Variants in MED13 observed in about 807,000 individuals in gnomAD.
The protein encoded by MED13 is mediator complex subunit 13.
Under a neutral mutation model 225.2 loss-of-function variants are expected in MED13, and 23 were observed. That is an observed-to-expected ratio of 0.10 (90% CI 0.07 to 0.14). The LOEUF is 0.14. Among genes scored for constraint, MED13 ranks in the 10% least tolerant of loss-of-function variants. MED13 has a pLI of 1.00. For synonymous variants in MED13, 942 were observed against 889.2 expected (o/e 1.06, Z -1.06); for missense variants, 2,197 against 2,594.5 (o/e 0.85, Z 3.33).
chr17:62,020,254 A>T (rs1023998054), intron 8 of MED13, among the ~76,000 whole-genome samples: 2 of 152,156 alleles, frequency 1.3e-5, no homozygotes, highest in Non-Finnish European at 2.9e-5. Flanking sequence ...TGAAGATTAA[A>T]GAAAACCTTT....
chr17:62,019,330 A>C (rs1412257684), intron 8 of MED13, among the ~76,000 whole-genome samples: 1 of 152,236 alleles, frequency 6.6e-6, no homozygotes, highest in African/African-American at 2.4e-5. Flanking sequence ...ATTCATGTTA[A>C]TATGCACTGA....
At chr17:62,021,655 A>T (rs1232282762) in intron 8 of MED13, among the ~76,000 whole-genome samples, 1 of 152,258 alleles carries the variant, frequency 6.6e-6, no homozygotes, top group Non-Finnish European at 1.5e-5. Context: ...CTTCTCACTT[A>T]TTATAATGGC....
At chr17:62,038,982 T>C (rs1485723730) in intron 3 of MED13, among the ~76,000 whole-genome samples, 1 of 152,162 alleles carries the variant, frequency 6.6e-6, no homozygotes, top group Non-Finnish European at 1.5e-5. Flanking sequence ...GGCCCCATTT[T>C]ATCTGTTAAA....
chr17:62,060,429 T>C (rs948771158), intron 2 of MED13, among the ~76,000 whole-genome samples: 2 of 151,956 alleles, frequency 1.3e-5, no homozygotes, highest in Non-Finnish European at 2.9e-5. Context: ...GAGACCATCC[T>C]GTCTAACAGT....
intron 23 of MED13, among the ~76,000 whole-genome samples, chr17:61,957,395 G>T (rs2079956155): frequency 6.6e-6 from 1 of 151,706 alleles, no homozygotes; most frequent in Non-Finnish European, 1.5e-5. Context: ...TGTCGCCTAG[G>T]CTAGAGTGCA....
chr17:61,950,149 C>T (rs1169136779), intron 28 of MED13, among the ~76,000 whole-genome samples: 1 of 152,090 alleles, frequency 6.6e-6, no homozygotes, highest in African/African-American at 2.4e-5. Flanking sequence ...CTTAAATATG[C>T]TCACCTAGAA....
chr17:62,010,821 G>C lies in MED13; in HGVS notation c.1696C>G (p.Pro566Ala). 2 of 1,614,218 alleles carry C rather than the reference G, an allele frequency of 1.2e-6. No homozygotes were observed. Among genetic ancestry groups the C allele is most frequent in the Non-Finnish European group, 1.7e-6 (2 of 1,180,048 alleles). Residue 566 changes from proline to alanine, a missense_variant, in exon 9 of 30, where the codon CCA becomes GCA. Physicochemically the swap from Pro to Ala is conservative, Grantham distance 27 (BLOSUM62 -1). This residue lies in a region of MED13 where 884 missense variants were observed against 918.5 expected (regional missense o/e 0.96). Transcript: ENST00000397786. The stretch of plus-strand genomic sequence containing the variant: ...GGTTTAGAAGGAACCAAGGGATCTG[G>C]TGTTGGCATTTGATAAAAATGTTGA... ...QSQHFYQMPT[P>A]DPLVPSKPME...
At chr17:62,029,714 G>A in intron 7 of MED13, 63 bp from the exon 8 acceptor site, 2 of 1,516,602 alleles carry the variant, frequency 1.3e-6, no homozygotes, top group Non-Finnish European at 1.8e-6. Context: ...CCTCAATGTA[G>A]CATTGAAATT....
At chr17:62,044,045 C>A (rs2080877723) in intron 3 of MED13, among the ~76,000 whole-genome samples, 1 of 151,994 alleles carries the variant, frequency 6.6e-6, no homozygotes, top group Non-Finnish European at 1.5e-5. Context: ...CAGTGAGAAA[C>A]CTAACCAAAG....
At chr17:61,970,233 G>A (rs765650060) in intron 17 of MED13, among the ~76,000 whole-genome samples, 3 of 152,180 alleles carry the variant, frequency 2.0e-5, no homozygotes, top group Non-Finnish European at 4.4e-5. Flanking sequence ...AAGTAGCAGA[G>A]TAGGAATTTA....
At chr17:62,034,852 C>T (rs1190668628) in intron 4 of MED13, among the ~76,000 whole-genome samples, 1 of 151,998 alleles carries the variant, frequency 6.6e-6, no homozygotes, top group Admixed American at 6.6e-5. Context: ...TGGTGGCTCA[C>T]TCACACCTAT....
chr17:61,965,831 T>C (rs532468597), intron 19 of MED13, among the ~76,000 whole-genome samples: 4 of 152,206 alleles, frequency 2.6e-5, no homozygotes, highest in African/African-American at 4.8e-5. Context: ...ATTGACTACA[T>C]TGACAGCTAA....
Position 62,033,180 on chromosome 17 carries a change from A to T in MED13, c.814+607T>A, listed in dbSNP as rs1025262605. 6.6e-5 allele frequency among the ~76,000 whole-genome samples: 10 copies of T among 152,132 alleles called. No homozygotes were observed. In the East Asian group the frequency reaches 1.7e-3, roughly 26 times the overall value. On this transcript the variant is annotated intron_variant, in intron 5 of 29. Transcript: ENST00000397786. Reference sequence around the variant, plus strand: ...AAAAATAAAAATAAATTAAATAAATAATAAAAAAATATAAAAAAATCTGAC... The same window carrying T: ...AAAAATAAAAATAAATTAAATAAATTATAAAAAAATATAAAAAAATCTGAC...
chr17:62,033,636 C>A (rs1369538555), intron 5 of MED13, 151 bp downstream of exon 5: 1 of 706,822 alleles, frequency 1.4e-6, no homozygotes. Flanking sequence ...AGCTAAGATG[C>A]AGCCCTTAAG....
intron 23 of MED13, among the ~76,000 whole-genome samples, chr17:61,957,478 T>C (rs1422996075): frequency 6.6e-6 from 1 of 151,516 alleles, no homozygotes; most frequent in Non-Finnish European, 1.5e-5. Flanking sequence ...GCTTCCCGAG[T>C]AGCTGGGATT....
rs2080046815 is a variant in MED13, at chr17:61,965,284, T to C, written c.4566A>G (p.Ile1522Met). ...STMTVTSGVA[I>M]STSVATANST... Reference sequence around the variant, plus strand: ...AATTAGCTGTGGCAACTGAAGTAGATATGGCAACACCTGAAGTCACTGTCA... The same window carrying C: ...AATTAGCTGTGGCAACTGAAGTAGACATGGCAACACCTGAAGTCACTGTCA... The change falls in exon 20 of 30, where the codon ATA (isoleucine) becomes ATG (methionine). Residue 1522 changes from isoleucine to methionine, a missense_variant. Physicochemically the swap from Ile to Met is conservative, Grantham distance 10. Around this residue, in one of 12 missense-constraint regions of MED13, gnomAD observed 457 missense variants for 442.2 expected, o/e 1.03. Transcript: ENST00000397786. 1.2e-6 allele frequency: 2 copies of C among 1,614,092 alleles called. No individual in the cohort carries two copies.
rs1056966573 is a variant in MED13 at position 62,014,025 on chromosome 17, C to T, written c.1284-2792G>A. ...CTGCACTCCAGCCTGGGCGACATAG[C>T]GAGACTCTGTCCCACCCCCCACCAA... On this transcript the variant is annotated intron_variant, in intron 8 of 29. Transcript: ENST00000397786. Among the ~76,000 whole-genome samples the T allele has an allele frequency of 2.6e-5, 4 of 151,870 alleles. No individual in the cohort carries two copies. In the East Asian group the frequency reaches 5.8e-4, roughly 22 times the overall value.
intron 9 of MED13, among the ~76,000 whole-genome samples, chr17:61,996,613 T>A (rs2080349145): frequency 6.6e-6 from 1 of 152,188 alleles, no homozygotes; most frequent in Admixed American, 6.6e-5. Flanking sequence ...AATATCTGCA[T>A]GGCCAACTCG....
intron 8 of MED13, among the ~76,000 whole-genome samples, chr17:62,024,288 G>A (rs1398567100): frequency 1.3e-5 from 2 of 152,166 alleles, no homozygotes; most frequent in Non-Finnish European, 2.9e-5. Flanking sequence ...AAAGTGCTGG[G>A]ATTACAGGCA....
Sources: allele counts gnomAD v4.1 joint callset (sites outside exome capture counted in the v4.1 genomes callset), GRCh38; gene constraint gnomAD v4.1.1; regional missense constraint gnomAD v4.1.1; transcripts MANE v1.5; gene names NCBI Gene and HGNC (gene_info 2026-07-23, HGNC 2026-07-21).